CCDC73: variants seen among roughly 807,000 people sequenced by gnomAD.
CCDC73 encodes coiled-coil domain containing 73.
A neutral mutation model predicts 116.5 loss-of-function variants in CCDC73; 95 were observed. The ratio of observed to expected loss-of-function variants is 0.82; its 90% CI spans 0.69 to 0.97. The LOEUF (loss-of-function observed/expected upper bound fraction) is 0.97. Among genes scored for constraint, CCDC73 ranks in the 50% least tolerant of loss-of-function variants. The pLI, the probability that CCDC73 is intolerant of heterozygous loss-of-function variation, is 0.00. For synonymous variants in CCDC73, 398 were observed against 401.3 expected (o/e 0.99, Z 0.10); for missense variants, 1,066 against 1,206.8 (o/e 0.88, Z 1.73).
chr11:32,812,966 AAAGGAATAAT>A, the CCDC73 span, among the ~76,000 whole-genome samples: 1 of 152,238 alleles, frequency 6.6e-6, no homozygotes, highest in Non-Finnish European at 1.5e-5. Flanking sequence ...CATTTAGAAA[AAAGGAATAAT>A]AAGGAATAAT....
chr11:32,657,779 T>C (rs572365212), intron 9 of CCDC73, among the ~76,000 whole-genome samples: 1 of 152,102 alleles, frequency 6.6e-6, no homozygotes, highest in African/African-American at 2.4e-5. Flanking sequence ...GGCAGGAGGA[T>C]TGCTTGAAGC....
chr11:32,665,041 G>T (rs1030544323), intron 9 of CCDC73, among the ~76,000 whole-genome samples: 3 of 152,252 alleles, frequency 2.0e-5, no homozygotes, highest in African/African-American at 7.2e-5. Flanking sequence ...TATAATTTCT[G>T]TTCTTCTACA....
intron 6 of CCDC73, among the ~76,000 whole-genome samples, chr11:32,685,594 G>A (rs1856190417): frequency 1.3e-5 from 2 of 152,126 alleles, no homozygotes; most frequent in Non-Finnish European, 2.9e-5. Context: ...AGGGGCAAGG[G>A]AAGGCAAGGG....
intron 9 of CCDC73, among the ~76,000 whole-genome samples, chr11:32,671,647 A>G (rs960609243): frequency 6.6e-6 from 1 of 152,248 alleles, no homozygotes; most frequent in African/African-American, 2.4e-5. Context: ...AAATTAGTGT[A>G]CTTAGAATGT....
intron 4 of CCDC73, 50 bp from the exon 5 acceptor site, chr11:32,700,876 A>T: frequency 1.1e-6 from 1 of 897,884 alleles, no homozygotes; most frequent in Non-Finnish European, 1.7e-6. Context: ...GTTAACAGTG[A>T]TCTATACTGG....
rs889054151 is a variant in CCDC73 at position 32,743,000 on chromosome 11, G to A, written c.135+17109C>T. Among the ~76,000 whole-genome samples the A allele has an allele frequency of 5.3e-5, 8 of 152,254 alleles. No homozygotes were observed. In the East Asian group the frequency reaches 1.5e-3, roughly 29 times the overall value. On this transcript the variant is annotated intron_variant, in intron 2 of 17. Transcript: ENST00000335185. ...GTGTTATTTCTGAGGCCTCCATTCT[G>A]TTCCATTGGTCTATATATCTGTTTT...
intron 2 of CCDC73, among the ~76,000 whole-genome samples, chr11:32,729,131 G>A (rs1189879543): frequency 1.3e-5 from 2 of 151,978 alleles, no homozygotes; most frequent in Non-Finnish European, 2.9e-5. Flanking sequence ...TAGGTATTAA[G>A]CCTAGCATCC....
chr11:32,670,457 G>A (rs1200033935), intron 9 of CCDC73, among the ~76,000 whole-genome samples: 1 of 151,420 alleles, frequency 6.6e-6, no homozygotes, highest in African/African-American at 2.4e-5. Flanking sequence ...GGGGGGCGGA[G>A]CTTGCAGTGA....
chr11:32,729,022 T>G (rs1047813129), intron 2 of CCDC73, among the ~76,000 whole-genome samples: 2 of 152,084 alleles, frequency 1.3e-5, no homozygotes, highest in African/African-American at 2.4e-5. Flanking sequence ...TTTTTTTTTT[T>G]TCAACTTTAA....
chr11:32,819,253 T>C, the CCDC73 span, among the ~76,000 whole-genome samples: 1 of 151,954 alleles, frequency 6.6e-6, no homozygotes, highest in East Asian at 1.9e-4. Flanking sequence ...ATTATCATGA[T>C]TACGATTTCC....
At chr11:32,830,487 A>ATTTTTTTTTT in the CCDC73 span, 1 of 1,406,782 alleles carries the variant, frequency 7.1e-7, no homozygotes, top group Non-Finnish European at 9.4e-7. Flanking sequence ...TTTTTTTAAT[A>ATTTTTTTTTT]TTTTTTTTTG....
chr11:32,616,141 T>C lies in CCDC73; in HGVS notation c.1186-12A>G. The C allele has an allele frequency of 6.4e-7, 1 of 1,552,724 alleles. No homozygotes were observed. The highest frequency in any genetic ancestry group is 8.6e-7 in the Non-Finnish European group (1 of 1,157,422). ...ACTTCTGGAACATTCTAGTGTAAAATGGAAGAGATTCTTTTAAAAACATTG... is the reference window on the plus strand; with the variant it reads ...ACTTCTGGAACATTCTAGTGTAAAACGGAAGAGATTCTTTTAAAAACATTG... On this transcript the variant is annotated splice_polypyrimidine_tract_variant and intron_variant, in intron 14 of 17. Transcript: ENST00000335185.
intron 2 of CCDC73, among the ~76,000 whole-genome samples, chr11:32,737,505 C>A (rs145658949): frequency 6.6e-6 from 1 of 151,908 alleles, no homozygotes; most frequent in African/African-American, 2.4e-5. Flanking sequence ...GTTATCCCAG[C>A]TATTCAGGAG....
intron 1 of CCDC73, among the ~76,000 whole-genome samples, chr11:32,765,130 T>G (rs534623979): frequency 5.3e-4 from 81 of 152,290 alleles, no homozygotes; most frequent in Non-Finnish European, 9.6e-4. Flanking sequence ...CTTAGAGTCC[T>G]ACAAAGAGAC....
intron 1 of CCDC73, among the ~76,000 whole-genome samples, chr11:32,768,223 C>T (rs1309250798): frequency 6.6e-6 from 1 of 152,122 alleles, no homozygotes; most frequent in Non-Finnish European, 1.5e-5. Flanking sequence ...ATCACAAGGA[C>T]AGAAAACCAA....
At chr11:32,782,496 T>C (rs986090718) in intron 1 of CCDC73, among the ~76,000 whole-genome samples, 1 of 152,190 alleles carries the variant, frequency 6.6e-6, no homozygotes, top group African/African-American at 2.4e-5. Context: ...GCTATATCCA[T>C]GCATACATAA....
At chr11:32,691,135 C>T (rs146060796) in intron 6 of CCDC73, among the ~76,000 whole-genome samples, 2,433 of 150,652 alleles carry the variant, frequency 0.016, 54 homozygotes, top group African/African-American at 0.056. Flanking sequence ...ACCTCCACCT[C>T]CCAGCTTCAA....
chr11:32,771,263 C>T (rs1000860339), intron 1 of CCDC73, among the ~76,000 whole-genome samples: 4 of 152,108 alleles, frequency 2.6e-5, no homozygotes, highest in Admixed American at 1.3e-4. Flanking sequence ...AAAACAACCA[C>T]CCATTTGCAA....
chr11:32,812,800 G>T, the CCDC73 span, among the ~76,000 whole-genome samples: 1 of 152,096 alleles, frequency 6.6e-6, no homozygotes, highest in Admixed American at 6.6e-5. Context: ...TTGTGCCACT[G>T]CACTCCAGCC....
Sources: allele counts gnomAD v4.1 joint callset (sites outside exome capture counted in the v4.1 genomes callset), GRCh38; gene constraint gnomAD v4.1.1; transcripts MANE v1.5; gene names NCBI Gene and HGNC (gene_info 2026-07-23, HGNC 2026-07-21).